The following DCAF8 variants were observed in gnomAD, a reference collection of about 807,000 sequenced individuals.
DCAF8 encodes DDB1- and CUL4-associated factor 8.
DCAF8 carries 20 observed loss-of-function variants against 68.0 expected under a neutral mutation model. The ratio of observed to expected loss-of-function variants is 0.29; its 90% CI spans 0.21 to 0.43. The LOEUF is 0.43. Among genes scored for constraint, DCAF8 ranks in the 20% least tolerant of loss-of-function variants. DCAF8 has a pLI of 1.00. For synonymous variants in DCAF8, 230 were observed against 276.9 expected (o/e 0.83, Z 1.68); for missense variants, 460 against 771.0 (o/e 0.60, Z 4.78).
In DCAF8 at chr1:160,240,102, T is replaced by G; in HGVS notation, c.318A>C (p.Glu106Asp). ...GAGGCTGCTCTTCTTCCTCCTCTTCTTCCTCCTCTTCCTCTTCCTCTGAGC... is the reference window on the plus strand; with the variant it reads ...GAGGCTGCTCTTCTTCCTCCTCTTCGTCCTCCTCTTCCTCTTCCTCTGAGC... ...HDRSEEEEEE[E>D]EEEEEEQPRR... is the part of the protein sequence containing the mutation. The change falls in exon 4 of 14, where the codon GAA becomes GAC. Residue 106 changes from glutamate to aspartate, a missense_variant. By Grantham distance (45) the Glu-to-Asp change is conservative (BLOSUM62 2). Transcript: ENST00000368074. 6.3e-7 allele frequency: 1 copy of G among 1,581,998 alleles called. No homozygotes were observed. Among genetic ancestry groups the G allele is most frequent in the South Asian group, 1.1e-5 (1 of 90,668 alleles).
At chr1:160,218,088 CT>C (rs1407929604) in intron 13 of DCAF8, 1 of 555,918 alleles carries the variant, frequency 1.8e-6, no homozygotes, top group Non-Finnish European at 3.2e-6. Flanking sequence ...CACCCTCCAG[CT>C]TTTGCCTTTA....
intron 6 of DCAF8, among the ~76,000 whole-genome samples, chr1:160,234,968 T>C (rs779742527): frequency 3.3e-5 from 5 of 152,340 alleles, no homozygotes; most frequent in Non-Finnish European, 7.4e-5. Flanking sequence ...TCTTCTACTA[T>C]CCAAACAGCT....
intron 7 of DCAF8, 56 bp from the exon 8 acceptor site, chr1:160,225,719 G>T: frequency 1.4e-6 from 2 of 1,431,720 alleles, no homozygotes; most frequent in Non-Finnish European, 1.9e-6. Flanking sequence ...CCCTTGAAGA[G>T]CTGCAATTTG....
At chr1:160,245,297 T>C (rs1656277136) in intron 2 of DCAF8, among the ~76,000 whole-genome samples, 1 of 152,200 alleles carries the variant, frequency 6.6e-6, no homozygotes, top group African/African-American at 2.4e-5. Flanking sequence ...CAGACCAGAA[T>C]TTTATTAAGC....
chr1:160,235,893 C>T (rs1443055621), intron 6 of DCAF8, among the ~76,000 whole-genome samples: 2 of 152,196 alleles, frequency 1.3e-5, no homozygotes, highest in Non-Finnish European at 2.9e-5. Flanking sequence ...CACATGCCAA[C>T]ATGTCCAGCT....
At chr1:160,238,875 C>T in intron 4 of DCAF8, 128 bp from the exon 5 acceptor site, 1 of 1,102,168 alleles carries the variant, frequency 9.1e-7, no homozygotes, top group Admixed American at 3.2e-5. Context: ...CTTAGCTTTC[C>T]TACTCTTGTA....
At chr1:160,259,875 T>G (rs1657005987) in intron 2 of DCAF8, among the ~76,000 whole-genome samples, 2 of 152,130 alleles carry the variant, frequency 1.3e-5, no homozygotes, top group East Asian at 3.9e-4. Flanking sequence ...CATACACCAA[T>G]ATCTAATATT....
chr1:160,218,490 G>A (rs369284266), intron 12 of DCAF8, 50 bp from the exon 13 acceptor site: 33 of 1,371,944 alleles, frequency 2.4e-5, no homozygotes, highest in South Asian at 8.1e-5. Context: ...AGAGGAACCC[G>A]GGACCTGATC....
intron 5 of DCAF8, among the ~76,000 whole-genome samples, chr1:160,237,626 A>C (rs1305589617): frequency 6.6e-6 from 1 of 152,134 alleles, no homozygotes; most frequent in Non-Finnish European, 1.5e-5. Flanking sequence ...TTGTGGGCTT[A>C]AGTGATCCTC....
At chr1:160,247,018 A>G (rs1372036843) in intron 2 of DCAF8, among the ~76,000 whole-genome samples, 1 of 152,254 alleles carries the variant, frequency 6.6e-6, no homozygotes. Flanking sequence ...TTAACTTTAT[A>G]AACTGAGGTC....
intron 2 of DCAF8, among the ~76,000 whole-genome samples, chr1:160,259,488 G>A (rs1478756527): frequency 3.3e-5 from 5 of 151,946 alleles, no homozygotes; most frequent in Admixed American, 6.6e-5. Flanking sequence ...GGCTGAGATC[G>A]CGCCACAGCA....
chr1:160,219,187 G>A (rs1174885623), intron 11 of DCAF8: 2 of 545,350 alleles, frequency 3.7e-6, no homozygotes. Context: ...CATTTCCTAT[G>A]TATAGGTCGG....
In DCAF8 at chr1:160,243,876, TC is replaced by T. The variant is rs572658998; in HGVS notation, c.49+83del. 260 of 1,394,550 alleles carry T rather than the reference TC, an allele frequency of 1.9e-4. 4 individuals carry two copies. The South Asian group carries it at 3.1e-3, about 17-fold the overall frequency. The allele number at this position is 1,394,550 out of a possible 1,614,324, so 86.4% of individuals were successfully genotyped here. A position where few individuals can be genotyped will look rare whatever the true frequency, so the allele number is the denominator to read the frequency against. ...GAAAGTTTCCCTCTCTCCACTAAAA[TC>T]CAGGCCTCCACTCTATCTTGCAGGG... On this transcript the variant is annotated intron_variant, in intron 3 of 13. Transcript: ENST00000368074.
chr1:160,222,957 G>A (rs528389886), intron 10 of DCAF8, among the ~76,000 whole-genome samples, 176 bp from the exon 11 acceptor site: 1 of 152,326 alleles, frequency 6.6e-6, no homozygotes, highest in African/African-American at 2.4e-5. Flanking sequence ...CTCCCAAAGA[G>A]CTCGCTCCTT....
At chr1:160,256,469 C>T (rs937058837) in intron 2 of DCAF8, among the ~76,000 whole-genome samples, 3 of 151,884 alleles carry the variant, frequency 2.0e-5, no homozygotes, top group Non-Finnish European at 2.9e-5. Context: ...CAAAACATAC[C>T]TGGTAATGTG....
chr1:160,240,363 C>T lies in DCAF8; in HGVS notation c.57G>A (p.Leu19=). Residue 19 remains leucine, a synonymous_variant, in exon 4 of 14, where the codon CTG becomes CTA. Coordinates refer to ENST00000368074, the MANE Select transcript of DCAF8 (RefSeq NM_015726.4). ...CAGACATCTCCTCTGGACTGCTAGA[C>T]AGGCTTCCTGCATGTTAGTGAGGAA... ...DGRTDLANGS[L]SSSPEEMSGA... 1.2e-6 allele frequency: 2 copies of T among 1,607,632 alleles called. No homozygotes were observed. Among genetic ancestry groups the T allele is most frequent in the South Asian group, 1.1e-5 (1 of 90,890 alleles).
intron 4 of DCAF8, 43 bp downstream of exon 4, chr1:160,239,654 C>T (rs114777785): frequency 6.2e-7 from 1 of 1,614,182 alleles, no homozygotes; most frequent in South Asian, 1.1e-5. Context: ...TTCTCTAACT[C>T]ATGCCTGATT....
At chr1:160,244,855 C>G (rs1043410419) in intron 2 of DCAF8, among the ~76,000 whole-genome samples, 1 of 152,040 alleles carries the variant, frequency 6.6e-6, no homozygotes, top group Non-Finnish European at 1.5e-5. Flanking sequence ...GTGATCCGCC[C>G]GCCTCGGCCT....
intron 6 of DCAF8, among the ~76,000 whole-genome samples, chr1:160,233,217 T>C (rs958516337): frequency 1.3e-5 from 2 of 152,182 alleles, no homozygotes; most frequent in African/African-American, 4.8e-5. Flanking sequence ...AGGCAAAGTG[T>C]TGAGATTTTA....
Sources: gnomAD v4.1 joint callset for allele counts (sites outside exome capture counted in the v4.1 genomes callset) on GRCh38, gnomAD v4.1.1 for gene constraint, MANE v1.5 for transcripts, NCBI Gene and HGNC (gene_info 2026-07-23, HGNC 2026-07-21) for gene names.